The following RAI14 variants were observed in gnomAD, a reference collection of about 807,000 sequenced individuals.
The protein encoded by RAI14 is ankycorbin.
Under a neutral mutation model 115.4 loss-of-function variants are expected in RAI14, and 45 were observed. That is an observed-to-expected ratio of 0.39 (90% CI 0.31 to 0.50). The LOEUF is 0.50. RAI14 is among the 20% of genes least tolerant of loss of function. The pLI is 0.85. For missense variants in RAI14, 939 were observed against 1,131.2 expected, an observed-to-expected ratio of 0.83 and a Z score of 2.44; for synonymous variants, 371 against 415.4, an observed-to-expected ratio of 0.89 and a Z score of 1.30.
rs565898048 is a variant in RAI14 at position 34,814,618 on chromosome 5, G to A, written c.888G>A (p.Ser296=). The A allele has an allele frequency of 2.8e-4, 451 of 1,613,276 alleles. 4 individuals carry two copies. The South Asian group carries it at 4.5e-3, about 16-fold the overall frequency. ...TCTCTTCCCCAAGATCAATAACTTC[G>A]ACTCCACTATCGGGAAAGGAATCGG... ...SDVSSPRSIT[S]TPLSGKESVF... The change falls in exon 12 of 18, where the codon TCG becomes TCA. Residue 296 remains serine (S), a synonymous_variant. Coordinates refer to ENST00000265109, the MANE Select transcript of RAI14 (RefSeq NM_015577.3).
chr5:34,721,291 GTATATATA>G (rs10538679), intron 2 of RAI14, among the ~76,000 whole-genome samples: 3,770 of 131,122 alleles, frequency 0.029, 176 homozygotes, highest in African/African-American at 0.095. Flanking sequence ...ATGTAGATGT[GTATATATA>G]TATATATATA....
intron 2 of RAI14, among the ~76,000 whole-genome samples, chr5:34,695,097 G>A (rs558920655): frequency 7.6e-4 from 116 of 152,052 alleles, no homozygotes; most frequent in Non-Finnish European, 1.5e-3. Flanking sequence ...AGAGGGTTTC[G>A]CCATGTTGCC....
At chr5:34,669,118 G>A (rs1743440225) in intron 1 of RAI14, among the ~76,000 whole-genome samples, 1 of 152,184 alleles carries the variant, frequency 6.6e-6, no homozygotes, top group African/African-American at 2.4e-5. Flanking sequence ...GCCTCCCAAA[G>A]TGCTGGGATT....
In RAI14 at chr5:34,830,828, C is replaced by A; in HGVS notation, c.*63C>A. 2 of 1,604,196 alleles carry A rather than the reference C, an allele frequency of 1.2e-6. No homozygotes were observed. The highest frequency in any genetic ancestry group is 2.3e-5 in the East Asian group (1 of 44,296). Reference sequence around the variant, plus strand: ...GTCTTTGTGTTAGATCCAGAGTTGTCGGCAGCCGCTGCCATTGTTCTCATT... The same window carrying A: ...GTCTTTGTGTTAGATCCAGAGTTGTAGGCAGCCGCTGCCATTGTTCTCATT... On this transcript the variant is annotated 3_prime_UTR_variant, in exon 18 of 18. Coordinates refer to ENST00000265109, the MANE Select transcript of RAI14 (RefSeq NM_015577.3).
chr5:34,738,605 C>T (rs932116973), intron 2 of RAI14, among the ~76,000 whole-genome samples: 2 of 152,168 alleles, frequency 1.3e-5, no homozygotes, highest in Admixed American at 6.5e-5. Flanking sequence ...ATACCCTCAC[C>T]ATCACCCTTT....
intron 3 of RAI14, among the ~76,000 whole-genome samples, chr5:34,788,508 C>CTT (rs1014043326): frequency 1.3e-5 from 2 of 152,108 alleles, no homozygotes; most frequent in Admixed American, 6.5e-5. Context: ...TTATTGTTTC[C>CTT]TTAGAACCAT....
At chr5:34,789,427 C>T (rs1470344359) in intron 3 of RAI14, among the ~76,000 whole-genome samples, 1 of 152,162 alleles carries the variant, frequency 6.6e-6, no homozygotes, top group African/African-American at 2.4e-5. Flanking sequence ...GCTGCCAAAC[C>T]CTGCTTTGGG....
In RAI14 at chr5:34,826,440, G is replaced by C; in HGVS notation, c.2760G>C (p.Ala920=). 1 of 1,613,900 alleles carries C rather than the reference G, an allele frequency of 6.2e-7. No individual in the cohort carries two copies. The highest frequency in any genetic ancestry group is 8.5e-7 in the Non-Finnish European group (1 of 1,179,876). Residue 920 remains alanine (A), a synonymous_variant, in exon 16 of 18, where the codon GCG becomes GCC. Transcript: ENST00000265109. Reference sequence around the variant, plus strand: ...AAAGGCAGAGTCAGCAGCTGGAGGCGCTGCAGCAGCAAGTCAAACAGCTCC... The same window carrying C: ...AAAGGCAGAGTCAGCAGCTGGAGGCCCTGCAGCAGCAAGTCAAACAGCTCC... The part of the protein sequence containing the change: ...SSKRQSQQLE[A]LQQQVKQLQN...
chr5:34,687,529 T>C (rs998162059), intron 2 of RAI14: 4 of 1,400,340 alleles, frequency 2.9e-6, no homozygotes, highest in Non-Finnish European at 3.7e-6. Flanking sequence ...GATGTCAGAG[T>C]TATGAAATAA....
chr5:34,678,222 C>T (rs1373973135), intron 1 of RAI14, among the ~76,000 whole-genome samples: 10 of 152,110 alleles, frequency 6.6e-5, no homozygotes, highest in South Asian at 6.2e-4. Context: ...CTCAGCCTCC[C>T]GAGTAGCTGG....
chr5:34,754,157 T>C (rs1340285471), intron 2 of RAI14, among the ~76,000 whole-genome samples: 1 of 151,984 alleles, frequency 6.6e-6, no homozygotes, highest in African/African-American at 2.4e-5. Context: ...GTAGGAAATA[T>C]CTCCGTGGGC....
rs1268321476 is a variant in RAI14 at position 34,664,987 on chromosome 5, ATATATATATATATGTG to A, written c.-49+8526_-49+8541del. 1.5e-4 allele frequency among the ~76,000 whole-genome samples: 9 copies of A among 58,380 alleles called. 1 individual carries two copies. Among genetic ancestry groups the A allele is most frequent in the African/African-American group, 2.3e-4 (4 of 17,064 alleles). The allele number at this position is 58,380 out of a possible 152,430, so 38.3% of individuals were successfully genotyped here. A position where few individuals can be genotyped will look rare whatever the true frequency, so the allele number is the denominator to read the frequency against. Reference sequence around the variant, plus strand: ...TTTATGGCTAAGTAGTATCCATCATATATATATATATATGTGTATATATATATATATGTGTATATAT... The same window carrying A: ...TTTATGGCTAAGTAGTATCCATCATATATATATATATATATGTGTATATAT... On this transcript the variant is annotated intron_variant, in intron 1 of 17. Coordinates refer to ENST00000265109, the MANE Select transcript of RAI14 (RefSeq NM_015577.3).
intron 2 of RAI14, among the ~76,000 whole-genome samples, chr5:34,753,784 T>G (rs752080092): frequency 3.2e-4 from 48 of 151,934 alleles, no homozygotes; most frequent in Admixed American, 4.6e-4. Flanking sequence ...CGTGGTGGCA[T>G]GTGCCTGTAG....
At chr5:34,751,011 C>T (rs947679017) in intron 2 of RAI14, among the ~76,000 whole-genome samples, 16 of 151,796 alleles carry the variant, frequency 1.1e-4, no homozygotes, top group African/African-American at 3.1e-4. Context: ...GCCACCATGC[C>T]TGGCTCATTT....
intron 3 of RAI14, among the ~76,000 whole-genome samples, chr5:34,783,215 C>T (rs745895413): frequency 3.9e-5 from 6 of 152,328 alleles, no homozygotes; most frequent in South Asian, 2.1e-4. Context: ...CTGGTTGTCC[C>T]GCTTTCCTCT....
Position 34,827,444 on chromosome 5 carries a change from T to A in RAI14, c.2799+965T>A, listed in dbSNP as rs1198218443. On this transcript the variant is annotated intron_variant, in intron 16 of 17. Coordinates refer to ENST00000265109, the MANE Select transcript of RAI14 (RefSeq NM_015577.3). This position sits in a 1 kb window ranked among gnomAD's most constrained non-coding sequence, Gnocchi z 4.2. ...CTGTTAAGGTTTGAGTTGGCATGGGTACATTCCGTTTTCTACCTAAAGTCC... is the reference window on the plus strand; with the variant it reads ...CTGTTAAGGTTTGAGTTGGCATGGGAACATTCCGTTTTCTACCTAAAGTCC... Among the ~76,000 whole-genome samples, 1 of 152,212 alleles carries A rather than the reference T, an allele frequency of 6.6e-6. No individual in the cohort carries two copies. The highest frequency in any genetic ancestry group is 1.5e-5 in the Non-Finnish European group (1 of 68,034).
At chr5:34,753,976 G>T (rs921828105) in intron 2 of RAI14, among the ~76,000 whole-genome samples, 4 of 152,006 alleles carry the variant, frequency 2.6e-5, no homozygotes, top group Non-Finnish European at 4.4e-5. Flanking sequence ...AGCTACCCAG[G>T]AGGCTGGGGC....
chr5:34,731,803 C>T (rs1744219789), intron 2 of RAI14, among the ~76,000 whole-genome samples: 1 of 152,252 alleles, frequency 6.6e-6, no homozygotes, highest in Non-Finnish European at 1.5e-5. Context: ...AAACACTGTG[C>T]TTGCACTGGC....
At chr5:34,807,671 G>A (rs1028772567) in intron 5 of RAI14, 129 bp from the exon 6 acceptor site, 31 of 737,482 alleles carry the variant, frequency 4.2e-5, no homozygotes, top group Non-Finnish European at 4.2e-5. Context: ...CTGGAACACA[G>A]CAGCTGGGGC....
Sources: gnomAD v4.1 joint callset for allele counts (sites outside exome capture counted in the v4.1 genomes callset) on GRCh38, gnomAD v4.1.1 for gene constraint, Gnocchi (gnomAD v3.1) non-coding constraint, MANE v1.5 for transcripts, NCBI Gene and HGNC (gene_info 2026-07-23, HGNC 2026-07-21) for gene names.